INTS14: variants seen among roughly 807,000 people sequenced by gnomAD.
INTS14 encodes the protein UPF0464 protein C15orf44.
INTS14 carries 27 observed loss-of-function variants against 56.9 expected under a neutral mutation model. That is an observed-to-expected ratio of 0.47 (90% CI 0.35 to 0.65). The LOEUF (loss-of-function observed/expected upper bound fraction) is 0.65, where lower values mean the gene tolerates loss of function less well. Ranked by LOEUF, INTS14 falls within the 30% of genes least tolerant of loss-of-function variation. The pLI is 0.00. For missense variants in INTS14, 517 were observed against 632.2 expected (o/e 0.82, Z 1.95); for synonymous variants, 207 against 236.2 (o/e 0.88, Z 1.13).
At position 65,595,736 on chromosome 15, in the gene INTS14, T is replaced by G. The variant is rs1210822265; in HGVS notation, c.838A>C (p.Lys280Gln). The change falls in exon 7 of 12, where the codon AAA becomes CAA. Residue 280 changes from lysine to glutamine, a missense_variant. Lys to Gln is a moderately conservative substitution (Grantham distance 53, BLOSUM62 1). Coordinates refer to ENST00000313182, the MANE Select transcript of INTS14 (RefSeq NM_001394796.1). ...TATCAGTGGAATAGGAACTCACCTT[T>G]GTTAAGTGCTATAGGTAAGACCAGA... is the stretch of plus-strand genomic sequence containing the variant. ...RHLVLPIALN[K>Q]EGDEVGTGIT... is the part of the protein sequence containing the mutation. 1 of 1,603,522 alleles carries G rather than the reference T, an allele frequency of 6.2e-7. No individual in the cohort carries two copies. The highest frequency in any genetic ancestry group is 1.1e-5 in the South Asian group (1 of 88,718).
At chr15:65,603,502 G>A (rs1251424612) in intron 3 of INTS14, among the ~76,000 whole-genome samples, 2 of 151,920 alleles carry the variant, frequency 1.3e-5, no homozygotes, top group Non-Finnish European at 2.9e-5. Context: ...TTTAAGACAG[G>A]GCCTCACTAT....
At chr15:65,581,787 C>T (rs939333850) in intron 11 of INTS14, among the ~76,000 whole-genome samples, 167 bp downstream of exon 11, 1 of 151,290 alleles carries the variant, frequency 6.6e-6, no homozygotes, top group Non-Finnish European at 1.5e-5. Context: ...TCTTCCAATT[C>T]TTGGATTTTA....
rs2141296060 is a variant in INTS14, at chr15:65,598,332, A to C, written c.737T>G (p.Val246Gly). ...VDEEIDPIPK[V>G]INTDLEIVGF... is the part of the protein sequence containing the mutation. The stretch of plus-strand genomic sequence containing the variant: ...TTTTAAAAAGTTACCTGTGTTAATG[A>C]CTTTAGGGATAGGATCAATTTCTTC... Residue 246 changes from valine (V) to glycine (G), a missense_variant, in exon 6 of 12, where the codon GTC becomes GGC. Physicochemically the swap from Val to Gly is moderately radical, Grantham distance 109. Coordinates refer to ENST00000313182, the MANE Select transcript of INTS14 (RefSeq NM_001394796.1). The C allele has an allele frequency of 6.2e-7, 1 of 1,613,152 alleles. No homozygotes were observed. The highest frequency in any genetic ancestry group is 1.1e-5 in the South Asian group (1 of 90,940).
chr15:65,581,878 A>T, intron 11 of INTS14, 76 bp downstream of exon 11: 1 of 1,452,606 alleles, frequency 6.9e-7, no homozygotes, highest in South Asian at 1.2e-5. Flanking sequence ...ACCCCTGCCC[A>T]TATTCACACT....
intron 10 of INTS14, 134 bp downstream of exon 10, chr15:65,584,636 T>C (rs563831537): frequency 4.1e-6 from 3 of 726,428 alleles, no homozygotes; most frequent in East Asian, 2.8e-5. Context: ...CAAATCCCTT[T>C]TGGAAATAAT....
intron 7 of INTS14, among the ~76,000 whole-genome samples, chr15:65,595,367 G>A (rs947800528): frequency 6.6e-6 from 1 of 152,184 alleles, no homozygotes; most frequent in Non-Finnish European, 1.5e-5. Context: ...ATTCTTCCGT[G>A]TATAAAGCTG....
At chr15:65,594,453 C>T (rs903627639) in intron 7 of INTS14, among the ~76,000 whole-genome samples, 12 of 149,992 alleles carry the variant, frequency 8.0e-5, no homozygotes, top group Admixed American at 7.3e-4. Flanking sequence ...AGTGCAGTGG[C>T]GCGATCTCGG....
At chr15:65,609,189 G>C (rs557255191) in intron 1 of INTS14, among the ~76,000 whole-genome samples, 1 of 152,232 alleles carries the variant, frequency 6.6e-6, no homozygotes, top group African/African-American at 2.4e-5. Flanking sequence ...TTCTGACCTC[G>C]TGATCCACCT....
At chr15:65,599,292 G>A (rs766313649) in intron 4 of INTS14, 6 of 233,770 alleles carry the variant, frequency 2.6e-5, no homozygotes, top group Non-Finnish European at 4.1e-5. Flanking sequence ...GTCTTTTGGT[G>A]AGAACCATCA....
rs1368394276 is a variant in INTS14, at chr15:65,591,589, G to A, written c.1120+9C>T. 1 of 1,613,308 alleles carries A rather than the reference G, an allele frequency of 6.2e-7. No homozygotes were observed. Among genetic ancestry groups the A allele is most frequent in the Admixed American group, 1.7e-5 (1 of 59,874 alleles). On this transcript the variant is annotated intron_variant, in intron 9 of 11. Coordinates refer to ENST00000313182, the MANE Select transcript of INTS14 (RefSeq NM_001394796.1). ...AGTCAGGATAAGTAAAATCTGATCT[G>A]GATTATACCTGAAATAGGACCCAAC...
At chr15:65,596,832 G>C (rs950525912) in intron 6 of INTS14, among the ~76,000 whole-genome samples, 20 of 152,170 alleles carry the variant, frequency 1.3e-4, no homozygotes, top group African/African-American at 4.6e-4. Flanking sequence ...CCAAACTGCT[G>C]GGACTACAGG....
rs1408353511 is a variant in INTS14 at position 65,611,117 on chromosome 15, A to G, written c.-82T>C. ...ACTCACCCCGTGCCCATCGCCGGAC[A>G]CAGTCCGTCGGCATAAACTTTCCGT... is the stretch of plus-strand genomic sequence containing the variant. On this transcript the variant is annotated 5_prime_UTR_variant, in exon 1 of 12. Transcript: ENST00000313182. 2.1e-5 allele frequency: 32 copies of G among 1,535,556 alleles called. No individual in the cohort carries two copies. Among genetic ancestry groups the G allele is most frequent in the Non-Finnish European group, 2.7e-5 (31 of 1,146,574 alleles).
Position 65,598,942 on chromosome 15 carries a change from T to C in INTS14, c.535A>G (p.Asn179Asp), listed in dbSNP as rs1439926096. The stretch of plus-strand genomic sequence containing the variant: ...GTAAAAATCTGCCCTTCACCATTGT[T>C]TAAATCTATGAGACGTTCAAGGCAT... ...LECLERLIDL[N>D]NGEGQIFTID... The change falls in exon 5 of 12, where the codon AAC (asparagine) becomes GAC (aspartate). Residue 179 changes from asparagine to aspartate, a missense_variant. Asn to Asp is a conservative substitution (Grantham distance 23, BLOSUM62 1). Coordinates refer to ENST00000313182, the MANE Select transcript of INTS14 (RefSeq NM_001394796.1). The C allele has an allele frequency of 6.2e-7, 1 of 1,613,898 alleles. No homozygotes were observed. Among genetic ancestry groups the C allele is most frequent in the Non-Finnish European group, 8.5e-7 (1 of 1,179,960 alleles).
intron 9 of INTS14, among the ~76,000 whole-genome samples, chr15:65,587,605 G>A (rs371837691): frequency 9.2e-5 from 14 of 152,298 alleles, no homozygotes; most frequent in African/African-American, 2.6e-4. Context: ...GGAAATGTGC[G>A]TCTTGTGTAG....
intron 1 of INTS14, among the ~76,000 whole-genome samples, chr15:65,609,270 T>A (rs2073770333): frequency 6.6e-6 from 1 of 152,126 alleles, no homozygotes; most frequent in Non-Finnish European, 1.5e-5. Context: ...CATTTGTAAG[T>A]AGGCTGTTTC....
At chr15:65,585,084 G>A (rs2072768617) in intron 9 of INTS14, among the ~76,000 whole-genome samples, 196 bp from the exon 10 acceptor site, 1 of 152,086 alleles carries the variant, frequency 6.6e-6, no homozygotes, top group Non-Finnish European at 1.5e-5. Flanking sequence ...GCCCATTTAA[G>A]TGAAAAACAG....
In INTS14 at chr15:65,598,405, T is replaced by G; in HGVS notation, c.664A>C (p.Thr222Pro). The G allele has an allele frequency of 6.2e-7, 1 of 1,614,060 alleles. No homozygotes were observed. Among genetic ancestry groups the G allele is most frequent in the African/African-American group, 1.3e-5 (1 of 75,050 alleles). The change falls in exon 6 of 12, where the codon ACT (threonine) becomes CCT (proline). Residue 222 changes from threonine to proline, a missense_variant. Coordinates refer to ENST00000313182, the MANE Select transcript of INTS14 (RefSeq NM_001394796.1). The stretch of plus-strand genomic sequence containing the variant: ...CTGGGGAAGACTTGTACATCAGCAG[T>G]TAGGTGGCCACACTTGAGAACAGCA... ...FHAVLKCGHL[T>P]ADVQVFPRPE...
rs369385349 is a variant in INTS14 at position 65,591,586 on chromosome 15, T to C, written c.1120+12A>G. 1.2e-6 allele frequency: 2 copies of C among 1,611,318 alleles called. No individual in the cohort carries two copies. The highest frequency in any genetic ancestry group is 2.7e-5 in the African/African-American group (2 of 74,726). ...CAAAGTCAGGATAAGTAAAATCTGA[T>C]CTGGATTATACCTGAAATAGGACCC... On this transcript the variant is annotated intron_variant, in intron 9 of 11. Transcript: ENST00000313182.
chr15:65,588,524 C>T (rs929073941), intron 9 of INTS14, among the ~76,000 whole-genome samples: 2 of 151,578 alleles, frequency 1.3e-5, no homozygotes, highest in Admixed American at 6.6e-5. Context: ...AACAATTAGC[C>T]GGGCATGGTG....
Sources: gnomAD v4.1 joint callset for allele counts (sites outside exome capture counted in the v4.1 genomes callset) on GRCh38, gnomAD v4.1.1 for gene constraint, MANE v1.5 for transcripts, NCBI Gene and HGNC (gene_info 2026-07-23, HGNC 2026-07-21) for gene names.